C1S: variants seen among roughly 807,000 people sequenced by gnomAD.
The protein encoded by C1S is complement C1s, also known as complement C1s subcomponent.
A neutral mutation model predicts 54.0 loss-of-function variants in C1S; 31 were observed. That is an observed-to-expected ratio of 0.57 (90% CI 0.43 to 0.78). The LOEUF (loss-of-function observed/expected upper bound fraction) is 0.78. Ranked by LOEUF, C1S falls within the 30% of genes least tolerant of loss-of-function variation. C1S has a pLI of 0.00. For synonymous variants in C1S, 292 were observed against 303.6 expected (o/e 0.96, Z 0.40); for missense variants, 727 against 851.8 (o/e 0.85, Z 1.82).
rs145785013 is a variant in C1S, at chr12:7,064,530, T to A, written c.517+138T>A. 5.7e-4 allele frequency: 438 copies of A among 774,542 alleles called. 1 individual carries two copies. Among genetic ancestry groups the A allele is most frequent in the Non-Finnish European group, 8.0e-4 (405 of 508,320 alleles). 48.0% of individuals were successfully genotyped at this position (774,542 alleles called of 1,614,324 possible). A position where few individuals can be genotyped will look rare whatever the true frequency, so the allele number is the denominator to read the frequency against. The stretch of plus-strand genomic sequence containing the variant: ...ACTTCTTTTTTATTTTAGAATTTAT[T>A]TATTTATGTATTATTTTTAATAATT... On this transcript the variant is annotated intron_variant, in intron 5 of 11. Coordinates refer to ENST00000360817, the MANE Select transcript of C1S (RefSeq NM_001734.5).
chr12:7,064,345 C>T lies in C1S; in HGVS notation c.470C>T (p.Ser157Phe), dbSNP rs1555161766. Residue 157 changes from serine (S) to phenylalanine (F), a missense_variant, in exon 5 of 12, where the codon TCC becomes TTC. This residue lies in a region of C1S where 357 missense variants were observed against 365.4 expected (regional missense o/e 0.98). Coordinates refer to ENST00000360817, the MANE Select transcript of C1S (RefSeq NM_001734.5). ...CNNFIGGYFC[S>F]CPPEYFLHDD... The stretch of plus-strand genomic sequence containing the variant: ...AATTTCATTGGTGGTTACTTCTGCT[C>T]CTGCCCCCCGGAATATTTCCTCCAT... The T allele has an allele frequency of 3.7e-6, 6 of 1,613,932 alleles. No individual in the cohort carries two copies. The highest frequency in any genetic ancestry group is 3.3e-5 in the Admixed American group (2 of 59,994).
At chr12:7,064,054 G>A in intron 4 of C1S, 1 of 602,998 alleles carries the variant, frequency 1.7e-6, no homozygotes, top group Non-Finnish European at 3.1e-6. Flanking sequence ...ACACCCCCGA[G>A]CTTCCTTATA....
At chr12:7,065,508 A>G in intron 6 of C1S, 1 of 651,944 alleles carries the variant, frequency 1.5e-6, no homozygotes, top group Non-Finnish European at 2.7e-6. Context: ...GACGTGTGTC[A>G]TCAAACCCAG....
Position 7,070,698 on chromosome 12 carries a change from T to G in C1S, c.*47T>G. 3 of 1,350,152 alleles carry G rather than the reference T, an allele frequency of 2.2e-6. No homozygotes were observed. The highest frequency in any genetic ancestry group is 3.2e-6 in the Non-Finnish European group (3 of 941,222). The allele number at this position is 1,350,152 out of a possible 1,614,324, so 83.6% of individuals were successfully genotyped here. A position where few individuals can be genotyped will look rare whatever the true frequency, so the allele number is the denominator to read the frequency against. ...TCTCCAAGGGTGGTGACCAATGCAT[T>G]ACCTTCTGTTCCTTATGATATTCTC... On this transcript the variant is annotated 3_prime_UTR_variant, in exon 12 of 12. Coordinates refer to ENST00000360817, the MANE Select transcript of C1S (RefSeq NM_001734.5). This position sits in a 1 kb window ranked among gnomAD's most constrained non-coding sequence, Gnocchi z 4.9.
In C1S at chr12:7,070,415, G is replaced by A; in HGVS notation, c.1831G>A (p.Val611Ile). The A allele has an allele frequency of 1.9e-6, 3 of 1,614,230 alleles. No homozygotes were observed. Among genetic ancestry groups the A allele is most frequent in the South Asian group, 1.1e-5 (1 of 91,086 alleles). ...ACCCACAGCAGATGCAGAGGCCTAT[G>A]TTTTCACTCCTAACATGATCTGTGC... ...EKPTADAEAY[V>I]FTPNMICAGG... Residue 611 changes from valine (V) to isoleucine (I), a missense_variant, in exon 12 of 12, where the codon GTT (valine) becomes ATT (isoleucine). Around this residue, in one of 3 missense-constraint regions of C1S, gnomAD observed 360 missense variants for 453.6 expected, o/e 0.79. Coordinates refer to ENST00000360817, the MANE Select transcript of C1S (RefSeq NM_001734.5). This position sits in a 1 kb window ranked among gnomAD's most constrained non-coding sequence, Gnocchi z 4.9.
Position 7,069,896 on chromosome 12 carries a change from A to T in C1S, c.1312A>T (p.Ile438Leu). 1 of 1,614,156 alleles carries T rather than the reference A, an allele frequency of 6.2e-7. No homozygotes were observed. Among genetic ancestry groups the T allele is most frequent in the Non-Finnish European group, 8.5e-7 (1 of 1,180,014 alleles). Residue 438 changes from isoleucine to leucine, a missense_variant, in exon 12 of 12, where the codon ATA (isoleucine) becomes TTA (leucine). This residue lies in a region of C1S where 360 missense variants were observed against 453.6 expected (regional missense o/e 0.79). Coordinates refer to ENST00000360817, the MANE Select transcript of C1S (RefSeq NM_001734.5). ...AGAACCCTTTGAAGAAAAACAGAGGATAATTGGAGGATCCGATGCAGATAT... is the reference window on the plus strand; with the variant it reads ...AGAACCCTTTGAAGAAAAACAGAGGTTAATTGGAGGATCCGATGCAGATAT... ...PREPFEEKQR[I>L]IGGSDADIKN...
intron 9 of C1S, chr12:7,067,404 A>G: frequency 3.0e-6 from 2 of 659,464 alleles, no homozygotes; most frequent in Non-Finnish European, 2.7e-6. Context: ...CCAACCACTG[A>G]GAACCAGGCT....
At chr12:7,067,942 G>A in intron 10 of C1S, 171 bp downstream of exon 10, 1 of 722,862 alleles carries the variant, frequency 1.4e-6, no homozygotes, top group Non-Finnish European at 2.4e-6. Flanking sequence ...AGCAGGGCAA[G>A]TTCAGGGGAG....
chr12:7,068,394 G>T lies in C1S; in HGVS notation c.1196-62G>T, dbSNP rs1012530785. The T allele has an allele frequency of 1.7e-5, 21 of 1,215,272 alleles. No homozygotes were observed. In the East Asian group the frequency reaches 2.8e-4, roughly 16 times the overall value. The allele number at this position is 1,215,272 out of a possible 1,614,324, so 75.3% of individuals were successfully genotyped here. A position where few individuals can be genotyped will look rare whatever the true frequency, so the allele number is the denominator to read the frequency against. On this transcript the variant is annotated intron_variant, in intron 10 of 11. Transcript: ENST00000360817. ...ACGGGGCAGGGTGTTGGGGTCGGAG[G>T]GGGGAATGGAAGAAGGAAGATGTGG...
Position 7,065,317 on chromosome 12 carries a change from A to C in C1S, c.717+18A>C. ...GTTTAGTTGTGCGTGATGGTTGATT[A>C]ATACCCCACCCTTAACTTACACAGA... On this transcript the variant is annotated intron_variant, in intron 6 of 11. Coordinates refer to ENST00000360817, the MANE Select transcript of C1S (RefSeq NM_001734.5). The C allele has an allele frequency of 6.3e-7, 1 of 1,582,256 alleles. No homozygotes were observed.
intron 8 of C1S, 110 bp downstream of exon 8, chr12:7,066,743 C>T: frequency 1.3e-6 from 1 of 761,152 alleles, no homozygotes; most frequent in South Asian, 1.4e-5. Context: ...GGTATAACAC[C>T]TTTCCCATAA....
chr12:7,066,175 CA>C lies in C1S; in HGVS notation c.871+209del, dbSNP rs1325402328. 6.5e-5 allele frequency: 41 copies of C among 626,022 alleles called. No homozygotes were observed. The African/African-American group carries it at 7.2e-4, about 11-fold the overall frequency. 38.8% of individuals were successfully genotyped at this position (626,022 alleles called of 1,614,324 possible). On this transcript the variant is annotated intron_variant, in intron 7 of 11. Transcript: ENST00000360817. ...ACAGAGCAAAACCTTGTCTCTAAAA[CA>C]AAACAAAAACAAAGCAACAATAATT...
At chr12:7,066,744 T>C in intron 8 of C1S, 111 bp downstream of exon 8, 1 of 759,516 alleles carries the variant, frequency 1.3e-6, no homozygotes, top group South Asian at 1.4e-5. Flanking sequence ...GTATAACACC[T>C]TTCCCATAAA....
At chr12:7,065,024 A>C in intron 5 of C1S, 76 bp from the exon 6 acceptor site, 1 of 1,264,696 alleles carries the variant, frequency 7.9e-7, no homozygotes, top group East Asian at 2.3e-5. Context: ...TTCTGAGAGA[A>C]GGAATCATAG....
At chr12:7,068,349 C>T (rs771935563) in intron 10 of C1S, 107 bp from the exon 11 acceptor site, 59 of 801,660 alleles carry the variant, frequency 7.4e-5, no homozygotes, top group Non-Finnish European at 1.1e-4. Flanking sequence ...GAATCCTAGA[C>T]GAGCTGAGGT....
intron 4 of C1S, chr12:7,063,350 T>C (rs1283571514): frequency 5.8e-6 from 3 of 521,254 alleles, no homozygotes; most frequent in Middle Eastern, 2.9e-4. Context: ...ATTTTTCCTA[T>C]TTTAACACAA....
Position 7,062,962 on chromosome 12 carries a change from G to A in C1S, c.286G>A (p.Val96Met). ...CAGTAACAATCCCCACTCTCCAATT[G>A]TGGAAGAGTTCCAAGTCCCATACAA... ...RSSNNPHSPI[V>M]EEFQVPYNKL... Residue 96 changes from valine to methionine, a missense_variant, in exon 4 of 12, where the codon GTG becomes ATG. Coordinates refer to ENST00000360817, the MANE Select transcript of C1S (RefSeq NM_001734.5). 1 of 1,613,802 alleles carries A rather than the reference G, an allele frequency of 6.2e-7. No homozygotes were observed. Among genetic ancestry groups the A allele is most frequent in the Non-Finnish European group, 8.5e-7 (1 of 1,179,796 alleles).
At chr12:7,066,943 T>A in intron 8 of C1S, 96 bp from the exon 9 acceptor site, 1 of 879,854 alleles carries the variant, frequency 1.1e-6, no homozygotes. Flanking sequence ...TGGTGAGGAC[T>A]CCTCATTGAT....
In C1S at chr12:7,067,660, C is replaced by T; in HGVS notation, c.1084C>T (p.Pro362Ser). ...TCTGGTAGCTGTGGACTGTGGCATT[C>T]CTGAATCCATTGAGAATGGTAAAGT... is the stretch of plus-strand genomic sequence containing the variant. ...LKCQPVDCGI[P>S]ESIENGKVED... The change falls in exon 10 of 12, where the codon CCT becomes TCT. Residue 362 changes from proline (P) to serine (S), a missense_variant. By Grantham distance (74) the Pro-to-Ser change is moderately conservative. Transcript: ENST00000360817. 6.2e-7 allele frequency: 1 copy of T among 1,614,036 alleles called. No individual in the cohort carries two copies. Among genetic ancestry groups the T allele is most frequent in the Non-Finnish European group, 8.5e-7 (1 of 1,179,966 alleles).
Sources: gnomAD v4.1 joint callset for allele counts on GRCh38, gnomAD v4.1.1 for gene constraint, gnomAD v4.1.1 regional missense constraint, Gnocchi (gnomAD v3.1) non-coding constraint, MANE v1.5 for transcripts, NCBI Gene and HGNC (gene_info 2026-07-23, HGNC 2026-07-21) for gene names.